The following SPTB variants were observed in gnomAD, a reference collection of about 807,000 sequenced individuals.
SPTB encodes the protein spectrin beta, erythrocytic, also known as spectrin beta chain, erythrocytic.
A neutral mutation model predicts 256.2 loss-of-function variants in SPTB; 45 were observed. The observed-to-expected ratio is 0.18, with a 90% CI of 0.14 to 0.23. SPTB has a LOEUF of 0.23. Among genes scored for constraint, SPTB ranks in the 10% least tolerant of loss-of-function variants. The pLI is 1.00. For synonymous variants in SPTB, 1,231 were observed against 1,243.1 expected, an observed-to-expected ratio of 0.99 and a Z score of 0.21; for missense variants, 2,715 against 3,040.4, an observed-to-expected ratio of 0.89 and a Z score of 2.52.
intron 1 of SPTB, among the ~76,000 whole-genome samples, chr14:64,854,274 C>T (rs1177171451): frequency 6.8e-5 from 5 of 73,278 alleles, no homozygotes; most frequent in South Asian, 1.3e-3. Flanking sequence ...TTTCCAAACT[C>T]TTTTTTTTTT....
intron 32 of SPTB, 84 bp from the exon 33 acceptor site, chr14:64,753,877 A>C (rs2081986320): frequency 6.4e-7 from 1 of 1,565,892 alleles, no homozygotes; most frequent in African/African-American, 1.3e-5. Flanking sequence ...GGAGGTCAGC[A>C]GCCACCCTCT....
chr14:64,809,236 T>C (rs1479881985), intron 2 of SPTB, among the ~76,000 whole-genome samples: 1 of 115,908 alleles, frequency 8.6e-6, no homozygotes, highest in Non-Finnish European at 1.7e-5. Flanking sequence ...TACTCCAGCC[T>C]GGGCAACAAC....
In SPTB at chr14:64,820,521, A is replaced by G. The variant is rs546747244; in HGVS notation, c.148+2426T>C. Among the ~76,000 whole-genome samples, 7 of 152,370 alleles carry G rather than the reference A, an allele frequency of 4.6e-5. No individual in the cohort carries two copies. The South Asian group carries it at 1.4e-3, about 32-fold the overall frequency. The stretch of plus-strand genomic sequence containing the variant: ...TACTTGTTGGCCAGATGTTCTGAAT[A>G]GTTAAGGCCCAGGCATACAATTCTA... On this transcript the variant is annotated intron_variant, in intron 2 of 35. Transcript: ENST00000644917.
chr14:64,858,290 C>T (rs971265181), intron 1 of SPTB, among the ~76,000 whole-genome samples: 5 of 152,140 alleles, frequency 3.3e-5, no homozygotes, highest in Admixed American at 2.6e-4. Flanking sequence ...GCTGCAGCAG[C>T]GGTGTTAAAC....
In SPTB at chr14:64,845,720, CTG is replaced by C. The variant is rs2083680968; in HGVS notation, c.-51-22577_-51-22576del. Among the ~76,000 whole-genome samples, 1 of 152,188 alleles carries C rather than the reference CTG, an allele frequency of 6.6e-6. No homozygotes were observed. Among genetic ancestry groups the C allele is most frequent in the South Asian group, 2.1e-4 (1 of 4,826 alleles). ...CATGTTTTAGGGATTAGAAGTTTCC[CTG>C]TGTGTTTCCCCAACTTTGTGAAATG... On this transcript the variant is annotated intron_variant, in intron 1 of 35. Transcript: ENST00000644917. The surrounding 1 kb of genome is among the most constrained non-coding windows in gnomAD (Gnocchi z 4.8).
chr14:64,790,640 C>T lies in SPTB; in HGVS notation c.2804+1079G>A, dbSNP rs2082653231. 6.6e-6 allele frequency among the ~76,000 whole-genome samples: 1 copy of T among 152,194 alleles called. No individual in the cohort carries two copies. The highest frequency in any genetic ancestry group is 1.5e-5 in the Non-Finnish European group (1 of 68,046). On this transcript the variant is annotated intron_variant, in intron 15 of 35. Transcript: ENST00000644917. The surrounding 1 kb of genome is among the most constrained non-coding windows in gnomAD (Gnocchi z 4.8). ...CAGTGAACTCTCCACTGTGCCGATC[C>T]CTTTCTTTACAATGGAGTCTTCCCT...
In SPTB at chr14:64,779,633, C is replaced by T; in HGVS notation, c.4473+92G>A. The T allele has an allele frequency of 1.4e-6, 2 of 1,396,774 alleles. No homozygotes were observed. The highest frequency in any genetic ancestry group is 2.0e-6 in the Non-Finnish European group (2 of 984,626). The allele number at this position is 1,396,774 out of a possible 1,614,324, so 86.5% of individuals were successfully genotyped here. ...AAGGGGTGAGGTGACCAGTCATCTA[C>T]TGCCAAAAATTGCTCTGGGTGGCAG... On this transcript the variant is annotated intron_variant, in intron 21 of 35. Transcript: ENST00000644917. The surrounding 1 kb of genome is among the most constrained non-coding windows in gnomAD (Gnocchi z 4.2).
chr14:64,757,118 C>T (rs2082026321), intron 32 of SPTB: 1 of 152,232 alleles, frequency 6.6e-6, no homozygotes, highest in Admixed American at 6.5e-5. Flanking sequence ...CTGCTACCAT[C>T]AGTGCTCTCC....
Position 64,749,390 on chromosome 14 carries a change from G to C in SPTB, c.6903C>G (p.Pro2301=), listed in dbSNP as rs780072609. 1 of 1,609,826 alleles carries C rather than the reference G, an allele frequency of 6.2e-7. No homozygotes were observed. Among genetic ancestry groups the C allele is most frequent in the Admixed American group, 1.7e-5 (1 of 59,976 alleles). ...QSIRVKAQSL[P]LPSLSGPDAS... is the part of the protein sequence containing the mutation. Reference sequence around the variant, plus strand: ...CGTCGGGGCCGGAGAGGGAAGGCAGGGGCAGGCTCTGCGCCTTGACGCGGA... The same window carrying C: ...CGTCGGGGCCGGAGAGGGAAGGCAGCGGCAGGCTCTGCGCCTTGACGCGGA... The change falls in exon 36 of 36, where the codon CCC becomes CCG. Residue 2301 remains proline (P), a synonymous_variant. Coordinates refer to ENST00000644917, the MANE Select transcript of SPTB (RefSeq NM_001355436.2). This position sits in a 1 kb window ranked among gnomAD's most constrained non-coding sequence, Gnocchi z 4.7.
intron 15 of SPTB, 53 bp downstream of exon 15, chr14:64,791,666 G>A: frequency 1.9e-6 from 3 of 1,603,376 alleles, no homozygotes; most frequent in Non-Finnish European, 2.6e-6. Context: ...CCCCAGCAGT[G>A]TGTCAGATGT....
At chr14:64,769,813 C>T in intron 27 of SPTB, 85 bp from the exon 28 acceptor site, 1 of 1,589,242 alleles carries the variant, frequency 6.3e-7, no homozygotes, top group East Asian at 2.2e-5. Context: ...GCCCACCTCC[C>T]CCTGCCTGTG....
intron 27 of SPTB, 65 bp from the exon 28 acceptor site, chr14:64,769,793 A>G: frequency 6.2e-7 from 1 of 1,609,388 alleles, no homozygotes; most frequent in South Asian, 1.1e-5. Context: ...TCTGTGTCCC[A>G]ACCAGAGGGG....
intron 1 of SPTB, among the ~76,000 whole-genome samples, chr14:64,872,860 G>T (rs371896159): frequency 1.3e-5 from 2 of 152,166 alleles, no homozygotes; most frequent in African/African-American, 2.4e-5. Context: ...CTGAACATGC[G>T]CCTGCCACCA....
chr14:64,787,336 C>A (rs2269304), intron 15 of SPTB, among the ~76,000 whole-genome samples, 176 bp from the exon 16 acceptor site: 20,842 of 152,100 alleles, frequency 0.14, 1,454 homozygotes, highest in South Asian at 0.16. Context: ...AAATTCACTT[C>A]TCCAATTTTA....
chr14:64,827,358 A>C lies in SPTB; in HGVS notation c.-51-4213T>G, dbSNP rs114813. 0.35 allele frequency among the ~76,000 whole-genome samples: 53,309 copies of C among 152,098 alleles called. 11,851 individuals are homozygous for C. Among genetic ancestry groups the C allele is most frequent in the African/African-American group, 0.63 (26,181 of 41,476 alleles). ...CGCAGGGCTGAGGAGCAGGCTGTTG[A>C]AATAGCAAGGACACTGTCTTTCTTA... On this transcript the variant is annotated intron_variant, in intron 1 of 35. Coordinates refer to ENST00000644917, the MANE Select transcript of SPTB (RefSeq NM_001355436.2). The surrounding 1 kb of genome is among the most constrained non-coding windows in gnomAD (Gnocchi z 4.6).
intron 32 of SPTB, among the ~76,000 whole-genome samples, chr14:64,765,418 C>T (rs1440642412): frequency 6.6e-6 from 1 of 152,152 alleles, no homozygotes; most frequent in African/African-American, 2.4e-5. Flanking sequence ...GCTCCCTGCA[C>T]AGACCCCATG....
At chr14:64,832,442 T>G (rs2083464570) in intron 1 of SPTB, among the ~76,000 whole-genome samples, 1 of 152,176 alleles carries the variant, frequency 6.6e-6, no homozygotes, top group Non-Finnish European at 1.5e-5. Flanking sequence ...TTGGCCTGTC[T>G]CTTAAATAGT....
At chr14:64,821,573 A>C (rs2083288303) in intron 2 of SPTB, among the ~76,000 whole-genome samples, 1 of 147,708 alleles carries the variant, frequency 6.8e-6, no homozygotes, top group Non-Finnish European at 1.5e-5. Context: ...GTAAAACCAG[A>C]CTGACGACAA....
chr14:64,878,063 G>A (rs1370173059), intron 1 of SPTB, among the ~76,000 whole-genome samples: 1 of 152,212 alleles, frequency 6.6e-6, no homozygotes, highest in African/African-American at 2.4e-5. Context: ...AGTGGACTCT[G>A]AGTCTTCCCA....
Sources: allele counts gnomAD v4.1 joint callset (sites outside exome capture counted in the v4.1 genomes callset), GRCh38; gene constraint gnomAD v4.1.1; non-coding constraint Gnocchi (gnomAD v3.1); transcripts MANE v1.5; gene names NCBI Gene and HGNC (gene_info 2026-07-23, HGNC 2026-07-21).